Variants in SLC16A10 observed in about 807,000 individuals in gnomAD.
SLC16A10 encodes solute carrier family 16 member 10.
A neutral mutation model predicts 40.0 loss-of-function variants in SLC16A10; 27 were observed. The observed-to-expected ratio is 0.67, with a 90% CI of 0.50 to 0.93. The LOEUF (loss-of-function observed/expected upper bound fraction) is 0.93, where lower values mean the gene tolerates loss of function less well. SLC16A10 is among the 40% of genes least tolerant of loss of function. SLC16A10 has a pLI of 0.00. For synonymous variants in SLC16A10, 213 were observed against 249.8 expected, an observed-to-expected ratio of 0.85 and a Z score of 1.39; for missense variants, 529 against 658.2, an observed-to-expected ratio of 0.80 and a Z score of 2.15.
At chr6:111,111,998 A>G (rs549706650) in intron 1 of SLC16A10, among the ~76,000 whole-genome samples, 7 of 152,170 alleles carry the variant, frequency 4.6e-5, no homozygotes, top group African/African-American at 7.2e-5. Context: ...GTGTGTGTGT[A>G]TATAGGTATG....
chr6:111,120,035 T>G (rs1771555960), intron 1 of SLC16A10, among the ~76,000 whole-genome samples: 1 of 152,236 alleles, frequency 6.6e-6, no homozygotes, highest in African/African-American at 2.4e-5. Context: ...ACTGGAAATG[T>G]AGACTAGAAA....
intron 1 of SLC16A10, among the ~76,000 whole-genome samples, chr6:111,141,907 C>G (rs1056951178): frequency 6.6e-6 from 1 of 152,154 alleles, no homozygotes; most frequent in Admixed American, 6.5e-5. Context: ...CACTTCCAAT[C>G]AAAATCCCCG....
chr6:111,162,896 G>A (rs1022996898), intron 1 of SLC16A10, among the ~76,000 whole-genome samples: 1 of 151,936 alleles, frequency 6.6e-6, no homozygotes, highest in Admixed American at 6.6e-5. Context: ...TGATATTCAT[G>A]AACATTTCAG....
chr6:111,202,083 G>A (rs1344750443), intron 3 of SLC16A10, among the ~76,000 whole-genome samples: 1 of 152,190 alleles, frequency 6.6e-6, no homozygotes, highest in East Asian at 1.9e-4. Flanking sequence ...CCAGTGAGAT[G>A]ATCACTTTCT....
At chr6:111,210,404 A>G (rs536431875) in intron 4 of SLC16A10, among the ~76,000 whole-genome samples, 2 of 152,338 alleles carry the variant, frequency 1.3e-5, no homozygotes, top group East Asian at 3.9e-4. Flanking sequence ...CTTTGTCAGT[A>G]CTTCACTGTG....
chr6:111,101,779 T>A (rs1413982213), intron 1 of SLC16A10, among the ~76,000 whole-genome samples: 1 of 152,096 alleles, frequency 6.6e-6, no homozygotes, highest in Admixed American at 6.5e-5. Flanking sequence ...TGCCAACATG[T>A]CCAGCTCATT....
At chr6:111,215,068 G>A (rs182266009) in intron 4 of SLC16A10, among the ~76,000 whole-genome samples, 3 of 151,936 alleles carry the variant, frequency 2.0e-5, no homozygotes, top group African/African-American at 4.8e-5. Flanking sequence ...GCAGTGAGTC[G>A]AGATCGCGCC....
At chr6:111,200,114 C>T (rs1022805303) in intron 3 of SLC16A10, among the ~76,000 whole-genome samples, 1 of 152,172 alleles carries the variant, frequency 6.6e-6, no homozygotes, top group Admixed American at 6.5e-5. Context: ...ACCCATGCCT[C>T]CTACAGTCCT....
intron 1 of SLC16A10, among the ~76,000 whole-genome samples, chr6:111,122,615 T>C (rs1044021678): frequency 6.6e-6 from 1 of 152,194 alleles, no homozygotes; most frequent in Admixed American, 6.5e-5. Flanking sequence ...CTTGTTCTTA[T>C]CGGGTTCTTA....
At chr6:111,179,384 C>T (rs144980654) in intron 3 of SLC16A10, among the ~76,000 whole-genome samples, 17 of 152,250 alleles carry the variant, frequency 1.1e-4, no homozygotes, top group African/African-American at 3.4e-4. Context: ...TTAATAGAGA[C>T]GTTAAGTGAT....
At chr6:111,212,107 T>C (rs1406081035) in intron 4 of SLC16A10, among the ~76,000 whole-genome samples, 1 of 152,144 alleles carries the variant, frequency 6.6e-6, no homozygotes, top group African/African-American at 2.4e-5. Flanking sequence ...TAGTTTCAGA[T>C]CATGGTAATC....
chr6:111,217,837 A>C (rs1770795223), intron 4 of SLC16A10, among the ~76,000 whole-genome samples: 1 of 152,164 alleles, frequency 6.6e-6, no homozygotes, highest in Non-Finnish European at 1.5e-5. Context: ...TCATACTTTG[A>C]ATATATAACT....
chr6:111,191,084 AG>A (rs1280581306), intron 3 of SLC16A10, among the ~76,000 whole-genome samples: 1 of 152,186 alleles, frequency 6.6e-6, no homozygotes, highest in Admixed American at 6.5e-5. Flanking sequence ...TTTGTTACAT[AG>A]GCATACATAT....
At chr6:111,100,428 C>G (rs1396906275) in intron 1 of SLC16A10, among the ~76,000 whole-genome samples, 1 of 151,826 alleles carries the variant, frequency 6.6e-6, no homozygotes, top group African/African-American at 2.4e-5. Context: ...CTCGCTTTGT[C>G]ACCAGGCTGG....
chr6:111,131,179 G>C (rs1407188149), intron 1 of SLC16A10, among the ~76,000 whole-genome samples: 1 of 152,222 alleles, frequency 6.6e-6, no homozygotes, highest in Non-Finnish European at 1.5e-5. Context: ...ACCCGCCGCT[G>C]ACTTCCACCC....
intron 1 of SLC16A10, among the ~76,000 whole-genome samples, chr6:111,130,691 C>T (rs1018642078): frequency 1.3e-5 from 2 of 152,210 alleles, no homozygotes; most frequent in Non-Finnish European, 2.9e-5. Context: ...GGCCTTGGAC[C>T]TGGGTCCGTT....
rs1175544509 is a variant in SLC16A10 at position 111,217,375 on chromosome 6, A to G, written c.1087-1439A>G. 2.0e-5 allele frequency among the ~76,000 whole-genome samples: 3 copies of G among 152,376 alleles called. No homozygotes were observed. In the South Asian group the frequency reaches 6.2e-4, roughly 32 times the overall value. ...ATAAATGATAGTTGCTATTATATGC[A>G]TACTTTTAAAAAACTTGATGCTTTT... On this transcript the variant is annotated intron_variant, in intron 4 of 5. Transcript: ENST00000368851.
chr6:111,192,553 G>C (rs941655857), intron 3 of SLC16A10, among the ~76,000 whole-genome samples: 2 of 152,044 alleles, frequency 1.3e-5, no homozygotes, highest in African/African-American at 4.8e-5. Flanking sequence ...CCACATTTTT[G>C]GGTACCTTTA....
At chr6:111,187,555 A>G (rs1772919904) in intron 3 of SLC16A10, among the ~76,000 whole-genome samples, 2 of 152,248 alleles carry the variant, frequency 1.3e-5, no homozygotes, top group East Asian at 3.8e-4. Flanking sequence ...CCACAGTTAT[A>G]AAAGTAGCAG....
Sources: gnomAD v4.1 joint callset for allele counts (sites outside exome capture counted in the v4.1 genomes callset) on GRCh38, gnomAD v4.1.1 for gene constraint, MANE v1.5 for transcripts, NCBI Gene and HGNC (gene_info 2026-07-23, HGNC 2026-07-21) for gene names.